CAMTA1: variants seen among roughly 807,000 people sequenced by gnomAD.
The protein encoded by CAMTA1 is calmodulin binding transcription activator 1.
In CAMTA1, 27 loss-of-function variants were observed where a neutral mutation model predicts 170.9. That is an observed-to-expected ratio of 0.16 (90% confidence interval 0.12 to 0.22). CAMTA1 has a LOEUF of 0.22. Ranked by LOEUF, CAMTA1 falls within the 10% of genes least tolerant of loss-of-function variation. The probability of loss-of-function intolerance (pLI) is 1.00; values close to 1 mark genes in which losing one functional copy is unlikely to be tolerated. For missense variants in CAMTA1, 1,619 were observed against 2,217.2 expected, an observed-to-expected ratio of 0.73 and a Z score of 5.42; for synonymous variants, 833 against 891.5, an observed-to-expected ratio of 0.93 and a Z score of 1.17.
intron 4 of CAMTA1, among the ~76,000 whole-genome samples, chr1:7,214,254 A>G (rs1228153848): frequency 6.6e-6 from 1 of 152,180 alleles, no homozygotes; most frequent in East Asian, 1.9e-4. Flanking sequence ...ATTTCTCCAC[A>G]TCCTCTCCAG....
intron 5 of CAMTA1, among the ~76,000 whole-genome samples, chr1:7,402,246 G>A (rs570197116): frequency 1.7e-4 from 26 of 152,194 alleles, no homozygotes; most frequent in Non-Finnish European, 2.9e-4. Flanking sequence ...GGTCTCCAGC[G>A]GCTTTCCTCC....
chr1:7,585,297 G>A lies in CAMTA1; in HGVS notation c.511-55103G>A, dbSNP rs6699145. Among the ~76,000 whole-genome samples the A allele has an allele frequency of 2.9e-4, 44 of 152,322 alleles. No individual in the cohort carries two copies. The highest frequency in any genetic ancestry group is 9.1e-4 in the African/African-American group (38 of 41,558). On this transcript the variant is annotated intron_variant, in intron 6 of 22. Transcript: ENST00000303635. The surrounding 1 kb of genome is among the most constrained non-coding windows in gnomAD (Gnocchi z 4.8). ...GGGGTACGGGAGGGTTGCGGATAGA[G>A]TAGCCAAGAAGAGGCCTCTGCGGAG...
At chr1:6,899,118 G>A (rs1209408095) in intron 3 of CAMTA1, among the ~76,000 whole-genome samples, 3 of 152,158 alleles carry the variant, frequency 2.0e-5, no homozygotes, top group Admixed American at 1.3e-4. Flanking sequence ...TCATGGAAGC[G>A]TGCCCAGTCT....
At chr1:7,188,119 C>T (rs972856257) in intron 4 of CAMTA1, among the ~76,000 whole-genome samples, 5 of 152,204 alleles carry the variant, frequency 3.3e-5, no homozygotes, top group East Asian at 3.9e-4. Flanking sequence ...TCAAATCTCA[C>T]GAGAACTCAC....
chr1:6,816,514 C>T (rs138224357), intron 1 of CAMTA1, among the ~76,000 whole-genome samples: 1 of 152,240 alleles, frequency 6.6e-6, no homozygotes, highest in African/African-American at 2.4e-5. Context: ...CTAAAGGTAC[C>T]CTGTGGGCGA....
intron 3 of CAMTA1, among the ~76,000 whole-genome samples, chr1:6,959,729 C>A (rs1243289988): frequency 6.6e-6 from 1 of 152,160 alleles, no homozygotes; most frequent in Non-Finnish European, 1.5e-5. Context: ...CCCTGACTGC[C>A]CCATTTTCCT....
chr1:6,785,637 C>G lies in CAMTA1; in HGVS notation c.45+62C>G, dbSNP rs976494405. The G allele has an allele frequency of 4.3e-6, 4 of 926,258 alleles. No homozygotes were observed. The African/African-American group carries it at 8.1e-5, about 19-fold the overall frequency. 57.4% of individuals were successfully genotyped at this position (926,258 alleles called of 1,614,324 possible). A position where few individuals can be genotyped will look rare whatever the true frequency, so the allele number is the denominator to read the frequency against. ...GGCGGGCGGCGGGACCCGGCCCCGC[C>G]GGACATCCCGGGCATCGGCGGCGCC... On this transcript the variant is annotated intron_variant, in intron 1 of 22. Coordinates refer to ENST00000303635, the MANE Select transcript of CAMTA1 (RefSeq NM_015215.4).
intron 5 of CAMTA1, among the ~76,000 whole-genome samples, chr1:7,266,615 A>G (rs11120892): frequency 0.64 from 96,619 of 152,008 alleles, 30,937 homozygotes; most frequent in Admixed American, 0.66. Flanking sequence ...GAGGAGTGCA[A>G]GAAGTCCCTT....
In CAMTA1 at chr1:7,244,913, C is replaced by A. The variant is rs553986939; in HGVS notation, c.303-4578C>A. ...ATAATAATAATAATAAAAATAAATA[C>A]ATAAATAAATTAATTAATTAATTAA... On this transcript the variant is annotated intron_variant, in intron 4 of 22. Transcript: ENST00000303635. Among the ~76,000 whole-genome samples, 496 of 151,784 alleles carry A rather than the reference C, an allele frequency of 3.3e-3. 2 individuals are homozygous for A. The highest frequency in any genetic ancestry group is 0.011 in the African/African-American group (474 of 41,386).
At chr1:7,161,848 G>T (rs1647269058) in intron 4 of CAMTA1, among the ~76,000 whole-genome samples, 1 of 152,202 alleles carries the variant, frequency 6.6e-6, no homozygotes, top group African/African-American at 2.4e-5. Flanking sequence ...CAGCCACTGG[G>T]GAAAGGCAGT....
intron 6 of CAMTA1, among the ~76,000 whole-genome samples, chr1:7,528,981 G>A (rs2094461434): frequency 6.6e-6 from 1 of 152,044 alleles, no homozygotes; most frequent in Non-Finnish European, 1.5e-5. Flanking sequence ...AGTCATGCCA[G>A]TAACTAGTCA....
intron 11 of CAMTA1, among the ~76,000 whole-genome samples, chr1:7,689,179 A>C (rs1034491571): frequency 2.0e-5 from 3 of 147,260 alleles, no homozygotes; most frequent in Non-Finnish European, 3.0e-5. Context: ...AGGCAGGAGA[A>C]TCGCTTGAAC....
intron 6 of CAMTA1, among the ~76,000 whole-genome samples, chr1:7,542,489 G>T (rs1399046179): frequency 2.0e-5 from 3 of 151,966 alleles, no homozygotes; most frequent in Non-Finnish European, 4.4e-5. Context: ...AGGCTGCAGT[G>T]CAGTGGCGTG....
chr1:7,378,969 C>G (rs964007371), intron 5 of CAMTA1, among the ~76,000 whole-genome samples: 4 of 152,176 alleles, frequency 2.6e-5, no homozygotes, highest in Admixed American at 6.5e-5. Context: ...CACTCTGTCT[C>G]TGACTTGCCT....
chr1:7,677,421 GT>G (rs1376076873), intron 10 of CAMTA1, among the ~76,000 whole-genome samples, 177 bp from the exon 11 acceptor site: 1 of 152,204 alleles, frequency 6.6e-6, no homozygotes, highest in African/African-American at 2.4e-5. Flanking sequence ...AACCAAGAAG[GT>G]TCCTAGAAGC....
intron 5 of CAMTA1, among the ~76,000 whole-genome samples, chr1:7,289,158 G>A (rs1039728018): frequency 3.3e-5 from 5 of 152,050 alleles, no homozygotes; most frequent in African/African-American, 1.2e-4. Context: ...CACCGAGGAG[G>A]AAATCCGCCC....
At chr1:7,560,917 C>G (rs980347125) in intron 6 of CAMTA1, among the ~76,000 whole-genome samples, 2 of 152,060 alleles carry the variant, frequency 1.3e-5, no homozygotes, top group Non-Finnish European at 2.9e-5. Context: ...ATGGGCCTCA[C>G]TAGAGCCCAG....
chr1:7,516,416 T>C (rs1406427227), intron 6 of CAMTA1, among the ~76,000 whole-genome samples: 1 of 152,176 alleles, frequency 6.6e-6, no homozygotes, highest in East Asian at 1.9e-4. Flanking sequence ...GGAGGGCAGC[T>C]GGGGCAGCCA....
intron 6 of CAMTA1, among the ~76,000 whole-genome samples, chr1:7,541,734 C>T (rs1181855868): frequency 1.3e-5 from 2 of 152,222 alleles, no homozygotes; most frequent in Non-Finnish European, 2.9e-5. Flanking sequence ...TCTGTGGTCA[C>T]GTGATTAACT....
Sources: gnomAD v4.1 joint callset for allele counts (sites outside exome capture counted in the v4.1 genomes callset) on GRCh38, gnomAD v4.1.1 for gene constraint, Gnocchi (gnomAD v3.1) non-coding constraint, MANE v1.5 for transcripts, NCBI Gene and HGNC (gene_info 2026-07-23, HGNC 2026-07-21) for gene names.